The following TXNRD1 variants were observed in gnomAD, a reference collection of about 807,000 sequenced individuals.
TXNRD1 encodes the protein thioredoxin reductase 1, cytoplasmic.
TXNRD1 carries 57 observed loss-of-function variants against 80.3 expected under a neutral mutation model. The ratio of observed to expected loss-of-function variants is 0.71; its 90% CI spans 0.57 to 0.89. The LOEUF (loss-of-function observed/expected upper bound fraction) is 0.89. Among genes scored for constraint, TXNRD1 ranks in the 40% least tolerant of loss-of-function variants. TXNRD1 has a pLI of 0.00. For missense variants in TXNRD1, 730 were observed against 803.0 expected (o/e 0.91, Z 1.10); for synonymous variants, 291 against 285.2 (o/e 1.02, Z -0.20).
At chr12:104,217,260 T>G (rs1360039852) in intron 1 of TXNRD1, among the ~76,000 whole-genome samples, 1 of 152,058 alleles carries the variant, frequency 6.6e-6, no homozygotes, top group African/African-American at 2.4e-5. Context: ...TGTTTTTCTT[T>G]AGCTACATTC....
rs1185497008 is a variant in TXNRD1, at chr12:104,215,871, C to T, written c.69C>T (p.Asn23=). The T allele has an allele frequency of 1.3e-6, 2 of 1,557,622 alleles. No homozygotes were observed. Among genetic ancestry groups the T allele is most frequent in the Admixed American group, 1.9e-5 (1 of 51,528 alleles). ...APTELQTKGK[N]GDGRRRSAKD... ...CGGAGCTGCAGACGAAAGGCAAGAA[C>T]GGCGATGGCCGCCGTAGGTCAGGTA... The change falls in exon 1 of 17, where the codon AAC becomes AAT. Residue 23 remains asparagine (N), a synonymous_variant. Transcript: ENST00000525566.
intron 4 of TXNRD1, among the ~76,000 whole-genome samples, chr12:104,306,689 C>G (rs1278629842): frequency 6.6e-6 from 1 of 152,176 alleles, no homozygotes; most frequent in East Asian, 1.9e-4. Flanking sequence ...AAATTATTTT[C>G]TAAATTAGTT....
intron 3 of TXNRD1, among the ~76,000 whole-genome samples, chr12:104,268,809 A>T (rs7136838): frequency 1.3e-5 from 2 of 151,704 alleles, no homozygotes; most frequent in South Asian, 4.2e-4. Flanking sequence ...GAGCCACCGC[A>T]CCTGGCGTAC....
At chr12:104,324,459 C>A (rs2035684217) in intron 10 of TXNRD1, among the ~76,000 whole-genome samples, 1 of 148,780 alleles carries the variant, frequency 6.7e-6, no homozygotes, top group Non-Finnish European at 1.5e-5. Flanking sequence ...TCACGCCATT[C>A]TTCTGCCTCA....
intron 2 of TXNRD1, among the ~76,000 whole-genome samples, chr12:104,253,642 C>T (rs2033178433): frequency 6.6e-6 from 1 of 151,866 alleles, no homozygotes; most frequent in African/African-American, 2.4e-5. Context: ...CTGCCACTTC[C>T]TTTTTTTTAA....
chr12:104,233,773 C>T lies in TXNRD1; in HGVS notation c.92-17754C>T, dbSNP rs142217544. 7.9e-3 allele frequency among the ~76,000 whole-genome samples: 1,200 copies of T among 152,234 alleles called. 20 individuals are homozygous for T. The highest frequency in any genetic ancestry group is 0.027 in the African/African-American group (1,128 of 41,528). On this transcript the variant is annotated intron_variant, in intron 1 of 16. Transcript: ENST00000525566. ...CTGACCTCAGGTGATCTGCCTGCCTCGGCCTCCCAAAGTGCTGGGATTACA... is the reference window on the plus strand; with the variant it reads ...CTGACCTCAGGTGATCTGCCTGCCTTGGCCTCCCAAAGTGCTGGGATTACA...
At chr12:104,299,697 G>A (rs1474700557) in intron 4 of TXNRD1, among the ~76,000 whole-genome samples, 1 of 150,428 alleles carries the variant, frequency 6.6e-6, no homozygotes, top group African/African-American at 2.5e-5. Flanking sequence ...AGTCCGGGGG[G>A]TGTAGGTTGC....
intron 4 of TXNRD1, chr12:104,291,075 C>G (rs985142558): frequency 1.5e-6 from 1 of 683,788 alleles, no homozygotes; most frequent in Non-Finnish European, 2.6e-6. Flanking sequence ...TCCTAAAGTG[C>G]TGGGACTGCA....
intron 1 of TXNRD1, among the ~76,000 whole-genome samples, chr12:104,237,491 G>A (rs191251658): frequency 1.1e-4 from 16 of 152,232 alleles, no homozygotes; most frequent in East Asian, 9.7e-4. Context: ...AAATGGCACC[G>A]TTAATTTTAG....
At chr12:104,310,030 T>C in intron 4 of TXNRD1, 1 of 1,536,270 alleles carries the variant, frequency 6.5e-7, no homozygotes, top group Non-Finnish European at 8.7e-7. Context: ...CTTCTTCCGC[T>C]GACCCCAAGC....
intron 3 of TXNRD1, among the ~76,000 whole-genome samples, chr12:104,272,363 T>G (rs984715426): frequency 2.6e-5 from 4 of 152,140 alleles, no homozygotes; most frequent in Non-Finnish European, 1.5e-5. Flanking sequence ...AAAATCATTA[T>G]GACAGAGCAG....
intron 10 of TXNRD1, among the ~76,000 whole-genome samples, chr12:104,324,010 A>C (rs775574481): frequency 2.1e-4 from 32 of 152,274 alleles, no homozygotes; most frequent in Admixed American, 7.2e-4. Context: ...GAGAGTGGGG[A>C]GAGGGTACAT....
intron 2 of TXNRD1, among the ~76,000 whole-genome samples, chr12:104,256,788 A>AAG (rs1295164083): frequency 2.8e-5 from 4 of 143,660 alleles, no homozygotes; most frequent in African/African-American, 1.0e-4. Flanking sequence ...AAAAAAAAAA[A>AAG]AAAGAAAAAG....
At chr12:104,289,163 TG>T in intron 4 of TXNRD1, 123 bp downstream of exon 4, 1 of 1,234,764 alleles carries the variant, frequency 8.1e-7, no homozygotes, top group Non-Finnish European at 1.1e-6. Context: ...CGCTGGGAAA[TG>T]ACGAAAAACG....
At chr12:104,269,523 T>C (rs529296669) in intron 3 of TXNRD1, among the ~76,000 whole-genome samples, 5 of 150,890 alleles carry the variant, frequency 3.3e-5, no homozygotes, top group Admixed American at 2.7e-4. Flanking sequence ...CCTCAGCCTC[T>C]CAAGTACTTG....
intron 3 of TXNRD1, among the ~76,000 whole-genome samples, chr12:104,263,527 G>A (rs1164046826): frequency 6.6e-6 from 1 of 152,166 alleles, no homozygotes; most frequent in Non-Finnish European, 1.5e-5. Context: ...TATCCCTGTG[G>A]ATGAGCTGCC....
At chr12:104,288,824 C>A in intron 3 of TXNRD1, 107 bp from the exon 4 acceptor site, 1 of 1,607,780 alleles carries the variant, frequency 6.2e-7, no homozygotes, top group South Asian at 1.1e-5. Flanking sequence ...ACAGAGGGCA[C>A]GCGGTGCCTG....
intron 16 of TXNRD1, among the ~76,000 whole-genome samples, chr12:104,346,637 C>T (rs1195110829): frequency 6.6e-6 from 1 of 152,108 alleles, no homozygotes; most frequent in Non-Finnish European, 1.5e-5. Flanking sequence ...TGTATTGTTT[C>T]CCCGTCCTCA....
intron 3 of TXNRD1, among the ~76,000 whole-genome samples, chr12:104,258,527 G>C (rs561088467): frequency 6.6e-6 from 1 of 152,350 alleles, no homozygotes; most frequent in South Asian, 2.1e-4. Flanking sequence ...GGAAATCCCA[G>C]GGAGAGAAAG....
Sources: gnomAD v4.1 joint callset for allele counts (sites outside exome capture counted in the v4.1 genomes callset) on GRCh38, gnomAD v4.1.1 for gene constraint, MANE v1.5 for transcripts, NCBI Gene and HGNC (gene_info 2026-07-23, HGNC 2026-07-21) for gene names.